The following FZD3 variants were observed in gnomAD, a reference collection of about 807,000 sequenced individuals.
The protein encoded by FZD3 is frizzled-3.
In FZD3, 30 loss-of-function variants were observed where a neutral mutation model predicts 60.7. That is an observed-to-expected ratio of 0.49 (90% CI 0.37 to 0.67). The LOEUF is 0.67. FZD3 is among the 30% of genes least tolerant of loss of function. The probability of loss-of-function intolerance (pLI) is 0.00; values close to 1 mark genes in which losing one functional copy is unlikely to be tolerated. For synonymous variants in FZD3, 246 were observed against 275.2 expected (o/e 0.89, Z 1.05); for missense variants, 605 against 838.7 (o/e 0.72, Z 3.44).
intron 5 of FZD3, among the ~76,000 whole-genome samples, chr8:28,534,982 G>C (rs1164926152): frequency 1.3e-5 from 2 of 152,176 alleles, no homozygotes; most frequent in Non-Finnish European, 2.9e-5. Context: ...AGGTGACTTA[G>C]AGAAAATATT....
At chr8:28,528,699 A>G (rs1804784427) in intron 5 of FZD3, among the ~76,000 whole-genome samples, 1 of 152,172 alleles carries the variant, frequency 6.6e-6, no homozygotes, top group Non-Finnish European at 1.5e-5. Context: ...AACTTTAGAG[A>G]TCATTTATTC....
chr8:28,534,489 G>C (rs1446183675), intron 5 of FZD3, among the ~76,000 whole-genome samples: 1 of 152,156 alleles, frequency 6.6e-6, no homozygotes. Context: ...AGAGGTCAAG[G>C]CTTCAGAGAG....
At chr8:28,554,838 A>T (rs1161089300) in intron 6 of FZD3, among the ~76,000 whole-genome samples, 2 of 152,292 alleles carry the variant, frequency 1.3e-5, no homozygotes, top group African/African-American at 4.8e-5. Flanking sequence ...ATTTCTCAAT[A>T]TATGATCCAA....
At chr8:28,500,672 A>C (rs562153418) in intron 2 of FZD3, among the ~76,000 whole-genome samples, 2 of 152,354 alleles carry the variant, frequency 1.3e-5, no homozygotes, top group Admixed American at 1.3e-4. Context: ...AACTTTCAAC[A>C]GTTACTTGAC....
intron 4 of FZD3, among the ~76,000 whole-genome samples, chr8:28,523,690 C>T (rs1447690416): frequency 1.3e-5 from 2 of 152,048 alleles, no homozygotes; most frequent in Non-Finnish European, 2.9e-5. Flanking sequence ...TCCTAAAGTG[C>T]TGGGATTACA....
At position 28,562,991 on chromosome 8, in the gene FZD3, G is replaced by T. The variant is rs1805642991; in HGVS notation, c.1981G>T (p.Glu661Ter). The stretch of plus-strand genomic sequence containing the variant: ...CACCAGCATGAATCGGGTTATTGAA[G>T]AAGATGGAACCAGTGCTTAATTTGT... Reference protein sequence around the residue: ...HGTSMNRVIEEDGTSA With the variant: ...HGTSMNRVIE The change falls in exon 8 of 8, where the codon GAA (glutamate) becomes TAA (stop). Residue 661 changes from glutamate to a stop codon, truncating the protein, a stop_gained. Transcript: ENST00000240093. LOFTEE classifies it high-confidence loss of function. 11 of 1,611,880 alleles carry T rather than the reference G, an allele frequency of 6.8e-6. No homozygotes were observed. Among genetic ancestry groups the T allele is most frequent in the Non-Finnish European group, 9.3e-6 (11 of 1,177,920 alleles).
Position 28,566,129 on chromosome 8 carries a change from C to T in FZD3, c.*3118C>T, listed in dbSNP as rs914966799. On this transcript the variant is annotated 3_prime_UTR_variant, in exon 8 of 8. Transcript: ENST00000240093. Reference sequence around the variant, plus strand: ...TAAATGAACAATTCATGTCACACAACTTGCTTTTACCCTAGTACTGAGTCT... The same window carrying T: ...TAAATGAACAATTCATGTCACACAATTTGCTTTTACCCTAGTACTGAGTCT... 3 of 152,122 alleles carry T rather than the reference C, an allele frequency of 2.0e-5. No homozygotes were observed. The highest frequency in any genetic ancestry group is 7.2e-5 in the African/African-American group (3 of 41,442). 9.4% of individuals were successfully genotyped at this position (152,122 alleles called of 1,614,324 possible).
At position 28,565,395 on chromosome 8, in the gene FZD3, C is replaced by T. The variant is rs1368307869; in HGVS notation, c.*2384C>T. 1 of 152,128 alleles carries T rather than the reference C, an allele frequency of 6.6e-6. No individual in the cohort carries two copies. The highest frequency in any genetic ancestry group is 2.4e-5 in the African/African-American group (1 of 41,434). The allele number at this position is 152,128 out of a possible 1,614,324, so 9.4% of individuals were successfully genotyped here. A position where few individuals can be genotyped will look rare whatever the true frequency, so the allele number is the denominator to read the frequency against. ...TATCAATAATTCATGAAGCTTTTGT[C>T]TGAGAATCTCTCCTGCAAACAGCAT... On this transcript the variant is annotated 3_prime_UTR_variant, in exon 8 of 8. Transcript: ENST00000240093.
At chr8:28,500,769 T>C (rs1404207223) in intron 2 of FZD3, among the ~76,000 whole-genome samples, 1 of 152,200 alleles carries the variant, frequency 6.6e-6, no homozygotes, top group Non-Finnish European at 1.5e-5. Flanking sequence ...CAGTTTTCTT[T>C]TTTTTTTCTG....
At chr8:28,518,750 T>C (rs1804498161) in intron 3 of FZD3, among the ~76,000 whole-genome samples, 1 of 152,206 alleles carries the variant, frequency 6.6e-6, no homozygotes, top group East Asian at 1.9e-4. Flanking sequence ...GCTCTGCTGG[T>C]TTCTCAGGTT....
chr8:28,509,520 A>C (rs1344854749), intron 3 of FZD3, among the ~76,000 whole-genome samples: 2 of 152,176 alleles, frequency 1.3e-5, no homozygotes, highest in Non-Finnish European at 2.9e-5. Flanking sequence ...TAACATAATT[A>C]CAATTCCATC....
chr8:28,568,284 T>C lies in FZD3; in HGVS notation c.*5273T>C, dbSNP rs995829303. ...CTAGTAGCTGTATAATCTTACACAT[T>C]ATTCTTATATAATTTTGACCTATTT... On this transcript the variant is annotated 3_prime_UTR_variant, in exon 8 of 8. Transcript: ENST00000240093. 15 of 152,188 alleles carry C rather than the reference T, an allele frequency of 9.9e-5. No homozygotes were observed. The highest frequency in any genetic ancestry group is 5.9e-5 in the Non-Finnish European group (4 of 68,022). 9.4% of individuals were successfully genotyped at this position (152,188 alleles called of 1,614,324 possible).
Position 28,569,687 on chromosome 8 carries a change from G to GA in FZD3, c.*6680dup, listed in dbSNP as rs1300774372. ...GTGATTTTAAGTAATTTTAAAGAAG[G>GA]AAAATTATATTACAGATAATAAAAA... On this transcript the variant is annotated 3_prime_UTR_variant, in exon 8 of 8. Coordinates refer to ENST00000240093, the MANE Select transcript of FZD3 (RefSeq NM_017412.4). 5.9e-5 allele frequency: 9 copies of GA among 152,024 alleles called. 1 individual carries two copies. In the East Asian group the frequency reaches 1.5e-3, roughly 26 times the overall value. 9.4% of individuals were successfully genotyped at this position (152,024 alleles called of 1,614,324 possible). A position where few individuals can be genotyped will look rare whatever the true frequency, so the allele number is the denominator to read the frequency against.
intron 7 of FZD3, among the ~76,000 whole-genome samples, chr8:28,561,886 T>C (rs1184461520): frequency 2.0e-5 from 3 of 152,182 alleles, no homozygotes; most frequent in Admixed American, 2.0e-4. Flanking sequence ...AGCAAAGGCC[T>C]AATATAAAAG....
At chr8:28,541,260 A>T (rs982974590) in intron 5 of FZD3, among the ~76,000 whole-genome samples, 1 of 152,210 alleles carries the variant, frequency 6.6e-6, no homozygotes, top group African/African-American at 2.4e-5. Flanking sequence ...TCTTCAAAAA[A>T]CAGGTGTTAT....
intron 7 of FZD3, among the ~76,000 whole-genome samples, 195 bp from the exon 8 acceptor site, chr8:28,562,603 A>G (rs570154824): frequency 2.3e-4 from 35 of 152,302 alleles, no homozygotes; most frequent in African/African-American, 8.4e-4. Flanking sequence ...TGATTGGATT[A>G]TCTCTTCTCT....
intron 7 of FZD3, among the ~76,000 whole-genome samples, chr8:28,561,549 A>G (rs352438): frequency 0.037 from 5,674 of 151,882 alleles, 391 homozygotes; most frequent in African/African-American, 0.13. Context: ...ACGCTTTCTG[A>G]CAGCCAACAG....
chr8:28,535,107 A>C (rs1804975461), intron 5 of FZD3, among the ~76,000 whole-genome samples: 1 of 152,226 alleles, frequency 6.6e-6, no homozygotes, highest in Non-Finnish European at 1.5e-5. Context: ...GTTTTTTCAA[A>C]ATACCAATTG....
chr8:28,538,858 T>TTA (rs1332663438), intron 5 of FZD3, among the ~76,000 whole-genome samples: 163 of 148,992 alleles, frequency 1.1e-3, no homozygotes, highest in Admixed American at 4.9e-3. Flanking sequence ...GTTATATATT[T>TTA]TATATATATA....
Sources: allele counts gnomAD v4.1 joint callset (sites outside exome capture counted in the v4.1 genomes callset), GRCh38; gene constraint gnomAD v4.1.1; transcripts MANE v1.5; gene names NCBI Gene and HGNC (gene_info 2026-07-23, HGNC 2026-07-21).